NXF3: variants seen among roughly 807,000 people sequenced by gnomAD.
NXF3 encodes the protein TAP-like protein 3.
Under a neutral mutation model 48.4 loss-of-function variants are expected in NXF3, and 34 were observed. The ratio of observed to expected loss-of-function variants is 0.70; its 90% confidence interval spans 0.53 to 0.93. The LOEUF (loss-of-function observed/expected upper bound fraction) is 0.93, where lower values mean the gene tolerates loss of function less well. NXF3 is among the 40% of genes least tolerant of loss of function. The pLI, the probability that NXF3 is intolerant of heterozygous loss-of-function variation, is 0.00. For synonymous variants in NXF3, 132 were observed against 145.7 expected, an observed-to-expected ratio of 0.91 and a Z score of 0.68; for missense variants, 359 against 406.1, an observed-to-expected ratio of 0.88 and a Z score of 1.00.
At chrX:103,083,131 T>C in intron 6 of NXF3, 58 bp from the exon 7 acceptor site, 1 of 1,190,393 alleles carries the variant, frequency 8.4e-7, no homozygotes, top group Non-Finnish European at 1.1e-6. Flanking sequence ...AAGGGGGCAA[T>C]AGGTGGGGAA....
At chrX:103,080,680 A>G in intron 9 of NXF3, 68 bp from the exon 10 acceptor site, 1 of 1,013,807 alleles carries the variant, frequency 9.9e-7, no homozygotes, top group Non-Finnish European at 1.4e-6. Flanking sequence ...TCATGGGAGC[A>G]ATCACACCTA....
chrX:103,083,178 A>G lies in NXF3; in HGVS notation c.621+15T>C, dbSNP rs765014214. The stretch of plus-strand genomic sequence containing the variant: ...TCTGGCTTTGTGTGAACAACTTGCC[A>G]TGAGTCTGTGTTACCTTTATCTGCT... On this transcript the variant is annotated intron_variant, in intron 6 of 19. Transcript: ENST00000395065. 1.7e-6 allele frequency: 2 copies of G among 1,209,090 alleles called. No individual in the cohort carries two copies. The highest frequency in any genetic ancestry group is 2.2e-6 in the Non-Finnish European group (2 of 893,314).
Position 103,083,653 on chromosome X carries a change from T to C in NXF3, c.391A>G (p.Asn131Asp), listed in dbSNP as rs769678154. ...ACACTGCATTCATTCTGAATCAAATTCAGCAGCCACTTCTCATTGTATTTT... is the reference window on the plus strand; with the variant it reads ...ACACTGCATTCATTCTGAATCAAATCCAGCAGCCACTTCTCATTGTATTTT... ...GIKYNEKWLLNLIQNECSVPF... is the reference protein window; with the variant it reads ...GIKYNEKWLLDLIQNECSVPF... Residue 131 changes from asparagine to aspartate, a missense_variant, in exon 4 of 20, where the codon AAT becomes GAT. Asn to Asp is a conservative substitution (Grantham distance 23). Transcript: ENST00000395065. 1 of 1,209,991 alleles carries C rather than the reference T, an allele frequency of 8.3e-7. No homozygotes were observed. Among genetic ancestry groups the C allele is most frequent in the Non-Finnish European group, 1.1e-6 (1 of 894,002 alleles).
chrX:103,076,308 T>C lies in NXF3; in HGVS notation c.1585-7A>G. The C allele has an allele frequency of 8.3e-7, 1 of 1,210,642 alleles. No individual in the cohort carries two copies. The highest frequency in any genetic ancestry group is 1.1e-6 in the Non-Finnish European group (1 of 894,555). On this transcript the variant is annotated splice_region_variant and splice_polypyrimidine_tract_variant and intron_variant, in intron 18 of 19. Coordinates refer to ENST00000395065, the MANE Select transcript of NXF3 (RefSeq NM_022052.2). Reference sequence around the variant, plus strand: ...CTGGTTGTTACGAAGGCAGCTGTGGTGGAGGAAGGACAGGTAACATCCATT... The same window carrying C: ...CTGGTTGTTACGAAGGCAGCTGTGGCGGAGGAAGGACAGGTAACATCCATT...
chrX:103,092,440 T>A (rs1379109783), intron 1 of NXF3, among the ~76,000 whole-genome samples: 18 of 112,687 alleles, frequency 1.6e-4, no homozygotes, highest in Non-Finnish European at 3.2e-4. Flanking sequence ...AAGCAAAAAC[T>A]GATCTAAGTA....
At chrX:103,080,330 T>C (rs1921977691) in intron 10 of NXF3, 114 bp from the exon 11 acceptor site, 1 of 794,880 alleles carries the variant, frequency 1.3e-6, no homozygotes, top group African/African-American at 2.0e-5. Context: ...GAAAGCGTTC[T>C]GGAAATTACG....
chrX:103,085,915 A>AAG (rs1922138590), intron 1 of NXF3, among the ~76,000 whole-genome samples: 2 of 105,507 alleles, frequency 1.9e-5, no homozygotes, highest in African/African-American at 3.5e-5. Context: ...AAAAAAAAAA[A>AAG]AAAAAAAAGA....
chrX:103,076,178 G>T, intron 19 of NXF3, 63 bp downstream of exon 19: 2 of 823,627 alleles, frequency 2.4e-6, no homozygotes, highest in Non-Finnish European at 3.7e-6. Flanking sequence ...AGAACCGGAA[G>T]CCCAAGTTCA....
chrX:103,079,917 A>T (rs1921967538), intron 12 of NXF3, 47 bp from the exon 13 acceptor site: 1 of 1,185,923 alleles, frequency 8.4e-7, no homozygotes, highest in African/African-American at 1.8e-5. Context: ...CCTGGGTGCC[A>T]AATGAGTCTT....
rs1322606469 is a variant in NXF3, at chrX:103,082,312, T to G, written c.833A>C (p.Lys278Thr). The G allele has an allele frequency of 4.1e-6, 5 of 1,210,162 alleles. No homozygotes were observed. Among genetic ancestry groups the G allele is most frequent in the Non-Finnish European group, 5.6e-6 (5 of 894,458 alleles). The change falls in exon 9 of 20, where the codon AAG (lysine) becomes ACG (threonine). Residue 278 changes from lysine to threonine, a missense_variant. Lys to Thr is a moderately conservative substitution (Grantham distance 78, BLOSUM62 -1). Coordinates refer to ENST00000395065, the MANE Select transcript of NXF3 (RefSeq NM_022052.2). ...GCACACTGGGCTTCTGTCCGCACAC[T>G]TCTCTCCTGGCTCTATCCCTTTCCA... The part of the protein sequence containing the change: ...DKWKGIEPGE[K>T]CADRSPVCTT...
Position 103,082,330 on chromosome X carries a change from C to T in NXF3, c.815G>A (p.Gly272Glu). 2.5e-6 allele frequency: 3 copies of T among 1,208,539 alleles called. No homozygotes were observed. The highest frequency in any genetic ancestry group is 3.4e-6 in the Non-Finnish European group (3 of 893,062). Residue 272 changes from glycine to glutamate, a missense_variant, in exon 9 of 20, where the codon GGG (glycine) becomes GAG (glutamate). Coordinates refer to ENST00000395065, the MANE Select transcript of NXF3 (RefSeq NM_022052.2). The part of the protein sequence containing the change: ...MSAGEMDKWK[G>E]IEPGEKCADR... ...CGCACACTTCTCTCCTGGCTCTATC[C>T]CTTTCCACTTGTCCATCTCCCCTGC...
chrX:103,082,130 G>A, intron 9 of NXF3, 125 bp downstream of exon 9: 1 of 538,764 alleles, frequency 1.9e-6, no homozygotes, highest in East Asian at 3.3e-5. Flanking sequence ...ACAGAGAGAG[G>A]AGTGGGGCGA....
In NXF3 at chrX:103,084,441, G is replaced by A; in HGVS notation, c.252C>T (p.Asp84=). 1 of 1,211,337 alleles carries A rather than the reference G, an allele frequency of 8.3e-7. No individual in the cohort carries two copies. The highest frequency in any genetic ancestry group is 2.2e-5 in the Admixed American group (1 of 46,011). ...YNRKGSFRKQ[D]QTHVNMEREQ... ...CTCTCTCCATGTTAACGTGGGTTTGGTCTTGTTTACGAAAACTGCCTTTCC... is the reference window on the plus strand; with the variant it reads ...CTCTCTCCATGTTAACGTGGGTTTGATCTTGTTTACGAAAACTGCCTTTCC... Residue 84 remains aspartate, a synonymous_variant, in exon 3 of 20, where the codon GAC becomes GAT. Coordinates refer to ENST00000395065, the MANE Select transcript of NXF3 (RefSeq NM_022052.2).
intron 1 of NXF3, among the ~76,000 whole-genome samples, chrX:103,091,932 C>G (rs1435574792): frequency 1.0e-5 from 1 of 100,244 alleles, no homozygotes; most frequent in African/African-American, 3.7e-5. Context: ...TCGCAGTGAG[C>G]CGAGATTGTG....
At chrX:103,079,179 G>A in intron 16 of NXF3, 42 bp downstream of exon 16, 1 of 1,176,077 alleles carries the variant, frequency 8.5e-7, no homozygotes. Flanking sequence ...CAGGGGGAGG[G>A]AGGAGTGGGG....
intron 1 of NXF3, among the ~76,000 whole-genome samples, chrX:103,085,900 CAAAAAAAAA>C (rs56135590): frequency 2.3e-5 from 1 of 43,538 alleles, no homozygotes; most frequent in African/African-American, 9.3e-5. Context: ...GAGACTCTGT[CAAAAAAAAA>C]AAAAAAAAAA....
At position 103,093,030 on chromosome X, in the gene NXF3, A is replaced by G; in HGVS notation, c.-7T>C. The G allele has an allele frequency of 2.5e-6, 3 of 1,206,126 alleles. No homozygotes were observed. Among genetic ancestry groups the G allele is most frequent in the Middle Eastern group, 2.4e-4 (1 of 4,232 alleles). ...GTCCTGAAGGCAGTGACATTTTACC[A>G]ATGTCCTTATAGGGCTCTCTTGAGG... On this transcript the variant is annotated 5_prime_UTR_variant, in exon 1 of 20. Coordinates refer to ENST00000395065, the MANE Select transcript of NXF3 (RefSeq NM_022052.2).
At position 103,083,491 on chromosome X, in the gene NXF3, T is replaced by G. The variant is rs1416694000; in HGVS notation, c.447A>C (p.Glu149Asp). Residue 149 changes from glutamate to aspartate, a missense_variant, in exon 5 of 20, where the codon GAA (glutamate) becomes GAC (aspartate). Transcript: ENST00000395065. Reference sequence around the variant, plus strand: ...CCACAAAGAAGCTGGCATGCATGTTTTCATAGTGAAACTATAGGGAGAGTT... The same window carrying G: ...CCACAAAGAAGCTGGCATGCATGTTGTCATAGTGAAACTATAGGGAGAGTT... Reference protein sequence around the residue: ...VPFVPVEFHYENMHASFFVEN... With the variant: ...VPFVPVEFHYDNMHASFFVEN... 1 of 1,208,107 alleles carries G rather than the reference T, an allele frequency of 8.3e-7. No homozygotes were observed.
intron 1 of NXF3, chrX:103,089,326 A>C: frequency 5.2e-6 from 2 of 384,272 alleles, no homozygotes; most frequent in Non-Finnish European, 8.9e-6. Context: ...TCTTATTTTT[A>C]AAGCCTGTAT....
Sources: gnomAD v4.1 joint callset for allele counts (sites outside exome capture counted in the v4.1 genomes callset) on GRCh38, gnomAD v4.1.1 for gene constraint, MANE v1.5 for transcripts, NCBI Gene and HGNC (gene_info 2026-07-23, HGNC 2026-07-21) for gene names.